Variants in ARMC8 observed in about 807,000 individuals in gnomAD.
ARMC8 encodes the protein armadillo repeat-containing protein 8.
A neutral mutation model predicts 99.3 loss-of-function variants in ARMC8; 20 were observed. That is an observed-to-expected ratio of 0.20 (90% confidence interval 0.14 to 0.29). ARMC8 has a LOEUF of 0.29. Among genes scored for constraint, ARMC8 ranks in the 10% least tolerant of loss-of-function variants. The probability of loss-of-function intolerance (pLI) is 1.00; values close to 1 mark genes in which losing one functional copy is unlikely to be tolerated. For missense variants in ARMC8, 569 were observed against 809.5 expected (o/e 0.70, Z 3.60); for synonymous variants, 263 against 278.3 (o/e 0.95, Z 0.55).
chr3:138,188,377 T>G, intron 1 of ARMC8: 1 of 1,441,918 alleles, frequency 6.9e-7, no homozygotes, highest in Non-Finnish European at 9.2e-7. Flanking sequence ...AAGTAAAACC[T>G]GTTTTTTTTT....
intron 1 of ARMC8, among the ~76,000 whole-genome samples, chr3:138,189,281 T>C (rs534437969): frequency 6.6e-6 from 1 of 152,222 alleles, no homozygotes; most frequent in South Asian, 2.1e-4. Flanking sequence ...TAGGGGCTTT[T>C]TTTTTTCTTT....
At chr3:138,217,640 A>G (rs1052148170) in intron 2 of ARMC8, among the ~76,000 whole-genome samples, 2 of 152,206 alleles carry the variant, frequency 1.3e-5, no homozygotes, top group Non-Finnish European at 1.5e-5. Context: ...ATTTATTAGC[A>G]TGCAAATTTA....
chr3:138,244,562 G>GC (rs567396436), intron 11 of ARMC8, among the ~76,000 whole-genome samples: 4 of 152,330 alleles, frequency 2.6e-5, no homozygotes, highest in Admixed American at 2.0e-4. Flanking sequence ...ACAGGCGTGA[G>GC]CCACCGCGCC....
At chr3:138,287,837 T>A in intron 19 of ARMC8, 1 of 319,142 alleles carries the variant, frequency 3.1e-6, no homozygotes, top group Non-Finnish European at 6.3e-6. Context: ...CAGATGTGCA[T>A]AAATTATTTG....
intron 12 of ARMC8, among the ~76,000 whole-genome samples, chr3:138,255,834 G>T (rs1199526223): frequency 2.6e-5 from 4 of 152,184 alleles, no homozygotes; most frequent in Non-Finnish European, 4.4e-5. Flanking sequence ...ACAAAAATTA[G>T]CTGGGCGTGG....
chr3:138,292,099 G>A (rs1300477774), intron 21 of ARMC8, among the ~76,000 whole-genome samples: 1 of 151,928 alleles, frequency 6.6e-6, no homozygotes, highest in Admixed American at 6.6e-5. Flanking sequence ...GTGCAATGGC[G>A]TGATCTTGGC....
At chr3:138,284,572 G>T in intron 19 of ARMC8, 46 bp downstream of exon 19, 15 of 1,371,248 alleles carry the variant, frequency 1.1e-5, no homozygotes, top group Non-Finnish European at 1.5e-5. Context: ...TGCAGGGACT[G>T]TTGCATTTTT....
rs2047156652 is a variant in ARMC8 at position 138,252,340 on chromosome 3, G to A, written c.1134+7157G>A. On this transcript the variant is annotated intron_variant, in intron 12 of 21. Coordinates refer to ENST00000469044, the MANE Select transcript of ARMC8 (RefSeq NM_001363941.2). ...CTGTTTTGCACTACCGAGGCAAGTT[G>A]AGTAGTTGTGACAGAACTGTATGTC... Among the ~76,000 whole-genome samples the A allele has an allele frequency of 2.0e-5, 3 of 152,212 alleles. No homozygotes were observed. In the South Asian group the frequency reaches 6.2e-4, roughly 32 times the overall value.
chr3:138,239,353 A>G, intron 9 of ARMC8, 115 bp from the exon 10 acceptor site: 1 of 703,590 alleles, frequency 1.4e-6, no homozygotes, highest in Admixed American at 3.3e-5. Flanking sequence ...TTCACTCTCA[A>G]GATAAGTGAT....
intron 2 of ARMC8, among the ~76,000 whole-genome samples, chr3:138,216,162 A>T (rs554432637): frequency 6.7e-6 from 1 of 148,534 alleles, no homozygotes; most frequent in Non-Finnish European, 1.5e-5. Flanking sequence ...GCTGCTTTTC[A>T]TGGTTTTATA....
intron 12 of ARMC8, among the ~76,000 whole-genome samples, chr3:138,247,242 T>C (rs372546896): frequency 2.0e-5 from 3 of 152,232 alleles, no homozygotes; most frequent in Non-Finnish European, 4.4e-5. Context: ...TTTACACTTA[T>C]GTCTTATGAA....
chr3:138,194,168 G>T (rs1013971586), intron 1 of ARMC8, among the ~76,000 whole-genome samples: 1 of 150,398 alleles, frequency 6.6e-6, no homozygotes, highest in African/African-American at 2.5e-5. Flanking sequence ...TCAGCCTCCC[G>T]AGTAGCTGGG....
chr3:138,250,679 TATGGTTGTC>T (rs2047082262), intron 12 of ARMC8, among the ~76,000 whole-genome samples: 1 of 152,252 alleles, frequency 6.6e-6, no homozygotes, highest in Non-Finnish European at 1.5e-5. Context: ...TGTTACTGCT[TATGGTTGTC>T]ATGGATGTCA....
At chr3:138,285,762 G>GT (rs765871888) in intron 19 of ARMC8, among the ~76,000 whole-genome samples, 13 of 152,118 alleles carry the variant, frequency 8.5e-5, no homozygotes, top group Non-Finnish European at 1.5e-4. Flanking sequence ...ATCCACCATG[G>GT]TGTCTGGCCC....
chr3:138,244,963 A>G, intron 11 of ARMC8, 125 bp from the exon 12 acceptor site: 1 of 1,133,976 alleles, frequency 8.8e-7, no homozygotes, highest in Non-Finnish European at 1.2e-6. Flanking sequence ...TGGGAAATGT[A>G]GTTAATGACT....
rs2051560234 is a variant in ARMC8 at position 138,297,157 on chromosome 3, A to G, written c.*1265A>G. ...AGATTGAAATTTAATAAAAGATGCA[A>G]CTAAAATCTTTCCTGCATGAAGCTA... On this transcript the variant is annotated 3_prime_UTR_variant, in exon 22 of 22. Coordinates refer to ENST00000469044, the MANE Select transcript of ARMC8 (RefSeq NM_001363941.2). The G allele has an allele frequency of 1.3e-5, 2 of 152,232 alleles. No homozygotes were observed. Among genetic ancestry groups the G allele is most frequent in the Non-Finnish European group, 2.9e-5 (2 of 68,040 alleles). 9.4% of individuals were successfully genotyped at this position (152,232 alleles called of 1,614,324 possible). A position where few individuals can be genotyped will look rare whatever the true frequency, so the allele number is the denominator to read the frequency against.
At chr3:138,233,661 A>C (rs544972380) in intron 6 of ARMC8, among the ~76,000 whole-genome samples, 64 of 152,316 alleles carry the variant, frequency 4.2e-4, no homozygotes, top group African/African-American at 1.5e-3. Flanking sequence ...CAGAAGTACG[A>C]ATGCTAATTT....
At chr3:138,193,739 A>T (rs577116152) in intron 1 of ARMC8, among the ~76,000 whole-genome samples, 2 of 152,388 alleles carry the variant, frequency 1.3e-5, no homozygotes, top group African/African-American at 4.8e-5. Flanking sequence ...TTATCATAAA[A>T]TAAAACTTTT....
chr3:138,212,096 G>A, intron 2 of ARMC8, among the ~76,000 whole-genome samples: 1 of 152,076 alleles, frequency 6.6e-6, no homozygotes, highest in East Asian at 1.9e-4. Context: ...AAAGGGGACA[G>A]ATCACCCAAC....
Sources: gnomAD v4.1 joint callset for allele counts (sites outside exome capture counted in the v4.1 genomes callset) on GRCh38, gnomAD v4.1.1 for gene constraint, MANE v1.5 for transcripts, NCBI Gene and HGNC (gene_info 2026-07-23, HGNC 2026-07-21) for gene names.